Variants in PPP2R5E observed in about 807,000 individuals in gnomAD.
PPP2R5E encodes the protein serine/threonine-protein phosphatase 2A 56 kDa regulatory subunit epsilon isoform.
In PPP2R5E, 4 loss-of-function variants were observed where a neutral mutation model predicts 65.3. The observed-to-expected ratio is 0.06, with a 90% CI of 0.03 to 0.14. PPP2R5E has a LOEUF of 0.14. PPP2R5E is among the 10% of genes least tolerant of loss of function. The pLI is 1.00. For synonymous variants in PPP2R5E, 183 were observed against 187.4 expected (o/e 0.98, Z 0.19); for missense variants, 274 against 556.1 (o/e 0.49, Z 5.10).
chr14:63,420,283 T>C (rs1886931909), intron 4 of PPP2R5E, among the ~76,000 whole-genome samples: 1 of 152,212 alleles, frequency 6.6e-6, no homozygotes, highest in South Asian at 2.1e-4. Flanking sequence ...CAGACTAAAC[T>C]GTAATTCAAT....
At chr14:63,531,339 T>C (rs1023393571) in intron 2 of PPP2R5E, among the ~76,000 whole-genome samples, 1 of 148,546 alleles carries the variant, frequency 6.7e-6, no homozygotes, top group Non-Finnish European at 1.5e-5. Flanking sequence ...CCAGTGTCCA[T>C]GTGTTCTCAT....
intron 4 of PPP2R5E, among the ~76,000 whole-genome samples, chr14:63,416,206 G>T (rs1354377166): frequency 1.3e-5 from 2 of 152,226 alleles, no homozygotes; most frequent in Admixed American, 1.3e-4. Context: ...TGCAGTCTCA[G>T]CTACTCAGAA....
intron 2 of PPP2R5E, among the ~76,000 whole-genome samples, chr14:63,476,817 G>A (rs572143328): frequency 1.2e-3 from 190 of 152,132 alleles, no homozygotes; most frequent in Non-Finnish European, 2.5e-3. Flanking sequence ...TCACAGATAG[G>A]ATCACATATT....
chr14:63,505,846 G>A (rs1046454760), intron 2 of PPP2R5E, among the ~76,000 whole-genome samples: 1 of 152,098 alleles, frequency 6.6e-6, no homozygotes, highest in African/African-American at 2.4e-5. Flanking sequence ...CACTGGGTGA[G>A]GGAGAAAATA....
At chr14:63,422,606 G>A (rs1229465219) in intron 3 of PPP2R5E, among the ~76,000 whole-genome samples, 6 of 151,962 alleles carry the variant, frequency 3.9e-5, no homozygotes, top group Admixed American at 1.3e-4. Context: ...GGCACCTGTA[G>A]TCCCAGCTAT....
intron 11 of PPP2R5E, among the ~76,000 whole-genome samples, 176 bp from the exon 12 acceptor site, chr14:63,384,747 C>T (rs774475921): frequency 2.0e-4 from 30 of 152,004 alleles, no homozygotes; most frequent in Non-Finnish European, 2.9e-4. Flanking sequence ...ATGGGAGTCT[C>T]GCTAGTGGCG....
rs550860355 is a variant in PPP2R5E at position 63,434,156 on chromosome 14, A to G, written c.355-12062T>C. ...TAAGTTATTTCTTCCATTCTCCAGT[A>G]ACTTCTGCTAATTCAAGTAATTTAA... On this transcript the variant is annotated intron_variant, in intron 3 of 13. Coordinates refer to ENST00000337537, the MANE Select transcript of PPP2R5E (RefSeq NM_006246.5). Among the ~76,000 whole-genome samples, 7 of 152,310 alleles carry G rather than the reference A, an allele frequency of 4.6e-5. No individual in the cohort carries two copies. In the East Asian group the frequency reaches 1.2e-3, roughly 25 times the overall value.
At chr14:63,424,336 T>C (rs1289569642) in intron 3 of PPP2R5E, among the ~76,000 whole-genome samples, 3 of 152,182 alleles carry the variant, frequency 2.0e-5, no homozygotes, top group African/African-American at 7.2e-5. Context: ...ATTAGAAATA[T>C]GAAGTTGGAC....
At chr14:63,455,787 C>G (rs923247734) in intron 2 of PPP2R5E, among the ~76,000 whole-genome samples, 7 of 152,116 alleles carry the variant, frequency 4.6e-5, no homozygotes, top group Non-Finnish European at 7.4e-5. Flanking sequence ...CCAGACCTAG[C>G]AGCCGAATGG....
At chr14:63,533,512 G>A (rs950695368) in intron 2 of PPP2R5E, among the ~76,000 whole-genome samples, 1 of 152,190 alleles carries the variant, frequency 6.6e-6, no homozygotes, top group African/African-American at 2.4e-5. Context: ...GGTGAGCCGA[G>A]ATCGCACCAT....
At chr14:63,425,507 G>T (rs1258090891) in intron 3 of PPP2R5E, among the ~76,000 whole-genome samples, 1 of 152,160 alleles carries the variant, frequency 6.6e-6, no homozygotes, top group Non-Finnish European at 1.5e-5. Context: ...ACCATGAAAG[G>T]GGGGAAAAGG....
Position 63,446,388 on chromosome 14 carries a change from C to A in PPP2R5E, c.354+7301G>T, listed in dbSNP as rs78126098. Among the ~76,000 whole-genome samples the A allele has an allele frequency of 7.8e-4, 118 of 152,216 alleles. No individual in the cohort carries two copies. In the East Asian group the frequency reaches 0.012, roughly 15 times the overall value. On this transcript the variant is annotated intron_variant, in intron 3 of 13. Coordinates refer to ENST00000337537, the MANE Select transcript of PPP2R5E (RefSeq NM_006246.5). ...TGGTGAATCCTTTTCAGAAGGTTTT[C>A]GATTTGTTTTGCCCAGATCCATCAG...
At chr14:63,378,472 T>C (rs1884116945) in intron 13 of PPP2R5E, among the ~76,000 whole-genome samples, 1 of 152,194 alleles carries the variant, frequency 6.6e-6, no homozygotes. Context: ...ACATTCATCA[T>C]CTTGTTACTA....
At chr14:63,493,831 T>A (rs1442052557) in intron 2 of PPP2R5E, among the ~76,000 whole-genome samples, 1 of 152,122 alleles carries the variant, frequency 6.6e-6, no homozygotes, top group Admixed American at 6.6e-5. Flanking sequence ...TGTAAACTTT[T>A]AAAAATAAGA....
At chr14:63,458,667 A>G (rs766275677) in intron 2 of PPP2R5E, among the ~76,000 whole-genome samples, 1 of 152,214 alleles carries the variant, frequency 6.6e-6, no homozygotes, top group Non-Finnish European at 1.5e-5. Flanking sequence ...TTTACACATA[A>G]ACTATTGAAA....
intron 3 of PPP2R5E, among the ~76,000 whole-genome samples, chr14:63,435,663 T>C (rs1318638889): frequency 1.3e-5 from 2 of 152,192 alleles, no homozygotes; most frequent in East Asian, 3.8e-4. Flanking sequence ...CTCTCTAATC[T>C]AAACTCATCC....
intron 2 of PPP2R5E, among the ~76,000 whole-genome samples, chr14:63,484,376 C>T (rs1374415633): frequency 1.3e-5 from 2 of 151,514 alleles, no homozygotes; most frequent in Non-Finnish European, 3.0e-5. Flanking sequence ...CACACACACA[C>T]ACACACACAC....
chr14:63,379,826 C>CTCTCTCTTTTTTT (rs528081976), intron 13 of PPP2R5E, among the ~76,000 whole-genome samples: 7 of 100,300 alleles, frequency 7.0e-5, no homozygotes, highest in African/African-American at 3.1e-4. Flanking sequence ...TATTCTCTCT[C>CTCTCTCTTTTTTT]TTTTTTTTTT....
At chr14:63,432,599 A>G (rs1887734252) in intron 3 of PPP2R5E, among the ~76,000 whole-genome samples, 1 of 151,976 alleles carries the variant, frequency 6.6e-6, no homozygotes, top group Non-Finnish European at 1.5e-5. Flanking sequence ...TTTTGTTTCC[A>G]CTCTCCTTGA....
Sources: allele counts gnomAD v4.1 joint callset (sites outside exome capture counted in the v4.1 genomes callset), GRCh38; gene constraint gnomAD v4.1.1; transcripts MANE v1.5; gene names NCBI Gene and HGNC (gene_info 2026-07-23, HGNC 2026-07-21).